PARD3B: variants seen among roughly 807,000 people sequenced by gnomAD.
The protein encoded by PARD3B is par-3 family cell polarity regulator beta.
Under a neutral mutation model 130.2 loss-of-function variants are expected in PARD3B, and 103 were observed. That is an observed-to-expected ratio of 0.79 (90% CI 0.67 to 0.93). PARD3B has a LOEUF of 0.93. Among genes scored for constraint, PARD3B ranks in the 40% least tolerant of loss-of-function variants. The pLI is 0.00. For synonymous variants in PARD3B, 583 were observed against 553.2 expected (o/e 1.05, Z -0.76); for missense variants, 1,609 against 1,499.2 (o/e 1.07, Z -1.21).
intron 10 of PARD3B, among the ~76,000 whole-genome samples, chr2:205,136,198 C>A (rs1038909738): frequency 6.6e-6 from 1 of 152,140 alleles, no homozygotes; most frequent in African/African-American, 2.4e-5. Flanking sequence ...AATGTTGTTT[C>A]AATTTTCTTA....
At chr2:205,006,871 T>C (rs1313258016) in intron 3 of PARD3B, among the ~76,000 whole-genome samples, 1 of 152,194 alleles carries the variant, frequency 6.6e-6, no homozygotes, top group Non-Finnish European at 1.5e-5. Flanking sequence ...GGGATCTTAG[T>C]TTTGAATTCT....
rs1201555323 is a variant in PARD3B, at chr2:204,664,855, TCTCA to T, written c.121-21322_121-21319del. Among the ~76,000 whole-genome samples the T allele has an allele frequency of 2.0e-5, 3 of 152,196 alleles. No individual in the cohort carries two copies. The highest frequency in any genetic ancestry group is 7.2e-5 in the African/African-American group (3 of 41,444). ...ACAGTTTGAGGTATAATCAGTGTCT[TCTCA>T]CTCTCTCCTTTTCTTTCATCTCATT... On this transcript the variant is annotated intron_variant, in intron 1 of 22. Coordinates refer to ENST00000406610, the MANE Select transcript of PARD3B (RefSeq NM_001302769.2). The surrounding 1 kb of genome is among the most constrained non-coding windows in gnomAD (Gnocchi z 5.2).
intron 1 of PARD3B, among the ~76,000 whole-genome samples, chr2:204,667,024 A>G (rs2036055946): frequency 6.6e-6 from 1 of 152,202 alleles, no homozygotes. Flanking sequence ...AATGGTGTGA[A>G]TATAAGGGAG....
chr2:205,607,030 T>C (rs1046614652), intron 22 of PARD3B, among the ~76,000 whole-genome samples: 1 of 152,170 alleles, frequency 6.6e-6, no homozygotes, highest in African/African-American at 2.4e-5. Context: ...TTCAAGGTAC[T>C]AGACCTGGAA....
intron 19 of PARD3B, among the ~76,000 whole-genome samples, chr2:205,433,760 CT>C (rs1250445183): frequency 6.6e-6 from 1 of 151,960 alleles, no homozygotes; most frequent in African/African-American, 2.4e-5. Context: ...ATAGTAAATC[CT>C]TTTTTCTGTC....
chr2:205,027,427 G>A (rs1042428573), intron 3 of PARD3B, among the ~76,000 whole-genome samples: 2 of 151,872 alleles, frequency 1.3e-5, no homozygotes, highest in East Asian at 3.9e-4. Context: ...TTTTGATATT[G>A]AGCTGCTTGA....
At chr2:205,542,365 T>TGTGTGC (rs1473870255) in intron 21 of PARD3B, among the ~76,000 whole-genome samples, 1 of 149,410 alleles carries the variant, frequency 6.7e-6, no homozygotes, top group Admixed American at 6.7e-5. Context: ...TGTGTGTGTG[T>TGTGTGC]GTGTGTGTGT....
chr2:205,496,384 A>C (rs1234101931), intron 20 of PARD3B, among the ~76,000 whole-genome samples: 3 of 152,176 alleles, frequency 2.0e-5, no homozygotes, highest in Non-Finnish European at 4.4e-5. Context: ...TAAAAGTAGA[A>C]TGAGGGTTGA....
At chr2:204,821,139 G>T (rs1346273525) in intron 2 of PARD3B, among the ~76,000 whole-genome samples, 2 of 152,156 alleles carry the variant, frequency 1.3e-5, no homozygotes, top group Admixed American at 1.3e-4. Context: ...TTTTGGCTCT[G>T]TGTCCCAAAT....
chr2:205,341,049 C>CAT lies in PARD3B; in HGVS notation c.2630+39349_2630+39350dup, dbSNP rs1218035894. On this transcript the variant is annotated intron_variant, in intron 18 of 22. Coordinates refer to ENST00000406610, the MANE Select transcript of PARD3B (RefSeq NM_001302769.2). This position sits in a 1 kb window ranked among gnomAD's most constrained non-coding sequence, Gnocchi z 4.3. ...ACAAACCAAAACCACAGTGAGATTTCATCTTATCCGAGTTTGAATGGCTAT... is the reference window on the plus strand; with the variant it reads ...ACAAACCAAAACCACAGTGAGATTTCATATCTTATCCGAGTTTGAATGGCTAT... 6.6e-6 allele frequency among the ~76,000 whole-genome samples: 1 copy of CAT among 151,954 alleles called. No homozygotes were observed. The highest frequency in any genetic ancestry group is 1.5e-5 in the Non-Finnish European group (1 of 67,974).
intron 1 of PARD3B, among the ~76,000 whole-genome samples, chr2:204,615,421 T>C (rs1214032399): frequency 6.6e-6 from 1 of 152,204 alleles, no homozygotes; most frequent in Non-Finnish European, 1.5e-5. Context: ...TTGAAAAACA[T>C]TGGTTGACTG....
At chr2:204,709,973 A>T (rs984946587) in intron 2 of PARD3B, among the ~76,000 whole-genome samples, 1 of 152,230 alleles carries the variant, frequency 6.6e-6, no homozygotes, top group Non-Finnish European at 1.5e-5. Context: ...ATAATTAAAT[A>T]TTGTTTAACC....
At chr2:205,613,754 T>G (rs1217414015) in intron 22 of PARD3B, among the ~76,000 whole-genome samples, 1 of 152,238 alleles carries the variant, frequency 6.6e-6, no homozygotes, top group East Asian at 1.9e-4. Context: ...AGAATTCTAT[T>G]GTTCATCCTT....
intron 1 of PARD3B, among the ~76,000 whole-genome samples, chr2:204,566,842 A>G (rs1467848434): frequency 2.0e-5 from 3 of 149,594 alleles, no homozygotes; most frequent in African/African-American, 2.4e-5. Flanking sequence ...CATAAAAAGT[A>G]TGTATACCTG....
chr2:204,995,525 A>T, intron 3 of PARD3B, among the ~76,000 whole-genome samples: 1 of 144,178 alleles, frequency 6.9e-6, no homozygotes, highest in Non-Finnish European at 1.5e-5. Context: ...TTTTTCCTTC[A>T]TTTCAACTTT....
chr2:205,486,738 A>G (rs1022770554), intron 20 of PARD3B, among the ~76,000 whole-genome samples: 5 of 152,142 alleles, frequency 3.3e-5, no homozygotes, highest in Admixed American at 2.6e-4. Context: ...CAAGAACAGT[A>G]CCAAGGGGAT....
intron 14 of PARD3B, 23 bp from the exon 15 acceptor site, chr2:205,193,182 C>T (rs2036486297): frequency 2.0e-6 from 3 of 1,509,300 alleles, no homozygotes; most frequent in East Asian, 2.3e-5. Flanking sequence ...AACCTAAATA[C>T]AACATATGGC....
Position 204,545,882 on chromosome 2 carries a change from G to T in PARD3B, c.-118G>T. On this transcript the variant is annotated 5_prime_UTR_variant, in exon 1 of 23. Coordinates refer to ENST00000406610, the MANE Select transcript of PARD3B (RefSeq NM_001302769.2). ...GCCTCCGGGCCTCAGGGTGTTCCGGGGAGCGGCGCCCCGGGTCTCTGGGCC... is the reference window on the plus strand; with the variant it reads ...GCCTCCGGGCCTCAGGGTGTTCCGGTGAGCGGCGCCCCGGGTCTCTGGGCC... 1 of 1,188,306 alleles carries T rather than the reference G, an allele frequency of 8.4e-7. No individual in the cohort carries two copies. Among genetic ancestry groups the T allele is most frequent in the Non-Finnish European group, 1.1e-6 (1 of 896,974 alleles). The allele number at this position is 1,188,306 out of a possible 1,614,324, so 73.6% of individuals were successfully genotyped here. A position where few individuals can be genotyped will look rare whatever the true frequency, so the allele number is the denominator to read the frequency against.
At chr2:204,976,595 G>A (rs938850251) in intron 3 of PARD3B, among the ~76,000 whole-genome samples, 3 of 142,738 alleles carry the variant, frequency 2.1e-5, no homozygotes, top group Non-Finnish European at 4.5e-5. Flanking sequence ...CATGTATTTA[G>A]GTAATTGATT....
Sources: gnomAD v4.1 joint callset for allele counts (sites outside exome capture counted in the v4.1 genomes callset) on GRCh38, gnomAD v4.1.1 for gene constraint, Gnocchi (gnomAD v3.1) non-coding constraint, MANE v1.5 for transcripts, NCBI Gene and HGNC (gene_info 2026-07-23, HGNC 2026-07-21) for gene names.